The following MYO1E variants were observed in gnomAD, a reference collection of about 807,000 sequenced individuals.
The protein encoded by MYO1E is myosin IE.
A neutral mutation model predicts 151.1 loss-of-function variants in MYO1E; 68 were observed. The ratio of observed to expected loss-of-function variants is 0.45; its 90% CI spans 0.37 to 0.55. MYO1E has a LOEUF of 0.55. MYO1E is among the 20% of genes least tolerant of loss of function. The pLI is 0.00. For synonymous variants in MYO1E, 601 were observed against 501.7 expected, an observed-to-expected ratio of 1.20 and a Z score of -2.64; for missense variants, 1,363 against 1,389.3, an observed-to-expected ratio of 0.98 and a Z score of 0.30.
chr15:59,355,896 T>G (rs1460769714), intron 1 of MYO1E, among the ~76,000 whole-genome samples: 2 of 152,136 alleles, frequency 1.3e-5, no homozygotes, highest in Non-Finnish European at 2.9e-5. Context: ...TCGTTTATTT[T>G]TTTGTAGAGA....
chr15:59,213,527 G>A (rs2079894149), intron 12 of MYO1E, among the ~76,000 whole-genome samples: 2 of 151,802 alleles, frequency 1.3e-5, no homozygotes, highest in Non-Finnish European at 2.9e-5. Context: ...GTGCAGTGGT[G>A]TGATGATATA....
At chr15:59,268,720 A>AGTTTTTTTTTTTTTTTTTTTTTTT (rs2080271247) in intron 2 of MYO1E, among the ~76,000 whole-genome samples, 1 of 44,906 alleles carries the variant, frequency 2.2e-5, no homozygotes. Flanking sequence ...TGACTTTGGT[A>AGTTTTTTTTTTTTTTTTTTTTTTT]TTTTTTTTTT....
intron 4 of MYO1E, among the ~76,000 whole-genome samples, chr15:59,249,085 G>A (rs150030202): frequency 3.2e-4 from 48 of 152,272 alleles, no homozygotes; most frequent in African/African-American, 1.1e-3. Context: ...GGAGCCCTGT[G>A]CTTGAGAAAG....
At chr15:59,370,524 G>T (rs533789960) in intron 1 of MYO1E, among the ~76,000 whole-genome samples, 3 of 152,162 alleles carry the variant, frequency 2.0e-5, no homozygotes, top group Non-Finnish European at 2.9e-5. Context: ...ACAGATAGTC[G>T]CCTGGGGGCA....
chr15:59,303,453 C>T (rs1187500496), intron 1 of MYO1E, among the ~76,000 whole-genome samples: 2 of 151,892 alleles, frequency 1.3e-5, no homozygotes, highest in East Asian at 1.9e-4. Flanking sequence ...TGCTTGAACC[C>T]GAGGGGCAGA....
Position 59,197,394 on chromosome 15 carries a change from C to G in MYO1E, c.1699-1827G>C, listed in dbSNP as rs569338670. 7.9e-5 allele frequency among the ~76,000 whole-genome samples: 12 copies of G among 152,330 alleles called. No homozygotes were observed. In the East Asian group the frequency reaches 2.3e-3, roughly 29 times the overall value. ...CTCAGCATAAGAAAACATAGAGAGG[C>G]AAGTGTAACTTAAGTTTATAAGTCA... is the stretch of plus-strand genomic sequence containing the variant. On this transcript the variant is annotated intron_variant, in intron 16 of 27. Coordinates refer to ENST00000288235, the MANE Select transcript of MYO1E (RefSeq NM_004998.4).
chr15:59,369,813 G>A (rs1406402545), intron 1 of MYO1E, among the ~76,000 whole-genome samples: 1 of 152,106 alleles, frequency 6.6e-6, no homozygotes, highest in Non-Finnish European at 1.5e-5. Context: ...AGTCACAACT[G>A]AATGAGTCTT....
At chr15:59,209,000 T>C in intron 13 of MYO1E, 152 bp from the exon 14 acceptor site, 5 of 898,556 alleles carry the variant, frequency 5.6e-6, no homozygotes, top group Non-Finnish European at 7.0e-6. Context: ...ATGCAATTAA[T>C]AGTCCCAAAT....
chr15:59,251,822 T>G (rs2080166644), intron 4 of MYO1E, among the ~76,000 whole-genome samples: 1 of 152,240 alleles, frequency 6.6e-6, no homozygotes, highest in Non-Finnish European at 1.5e-5. Context: ...TGAACCCAAC[T>G]GTAGGTCAGG....
intron 27 of MYO1E, 142 bp downstream of exon 27, chr15:59,138,056 G>T: frequency 1.0e-6 from 1 of 986,404 alleles, no homozygotes; most frequent in Non-Finnish European, 1.6e-6. Context: ...GTCTTGATCA[G>T]ACTGAGCCTG....
At chr15:59,252,102 GAAAT>G (rs1221042946) in intron 4 of MYO1E, among the ~76,000 whole-genome samples, 3 of 152,000 alleles carry the variant, frequency 2.0e-5, no homozygotes, top group African/African-American at 4.8e-5. Flanking sequence ...TAAAATCAAA[GAAAT>G]AAAAACTCTG....
At position 59,201,384 on chromosome 15, in the gene MYO1E, A is replaced by G. The variant is rs116645018; in HGVS notation, c.1698+942T>C. Among the ~76,000 whole-genome samples, 1,186 of 148,928 alleles carry G rather than the reference A, an allele frequency of 8.0e-3. 20 individuals are homozygous for G. The highest frequency in any genetic ancestry group is 0.027 in the African/African-American group (1,094 of 40,396). ...GTTGGGATTACAGGCCAGAGCCACT[A>G]CATCTGGCTGACACAGATTTTTTTT... On this transcript the variant is annotated intron_variant, in intron 16 of 27. Coordinates refer to ENST00000288235, the MANE Select transcript of MYO1E (RefSeq NM_004998.4).
At chr15:59,351,618 G>A (rs940249843) in intron 1 of MYO1E, among the ~76,000 whole-genome samples, 1 of 152,164 alleles carries the variant, frequency 6.6e-6, no homozygotes, top group Non-Finnish European at 1.5e-5. Context: ...ATTACCGGGG[G>A]ATAAGAGTGA....
chr15:59,142,000 G>A (rs1265010063), intron 26 of MYO1E, among the ~76,000 whole-genome samples: 1 of 151,706 alleles, frequency 6.6e-6, no homozygotes, highest in Admixed American at 6.6e-5. Context: ...CCAGCTATTC[G>A]GGAGGCTGAG....
chr15:59,210,709 C>T, intron 12 of MYO1E, 109 bp from the exon 13 acceptor site: 1 of 756,168 alleles, frequency 1.3e-6, no homozygotes, highest in Non-Finnish European at 2.4e-6. Context: ...ACCTGAATGT[C>T]CTGCAACAAA....
intron 1 of MYO1E, among the ~76,000 whole-genome samples, chr15:59,296,996 CGCCCGGCTA>C: frequency 3.1e-5 from 1 of 31,896 alleles, no homozygotes; most frequent in Middle Eastern, 0.025. Flanking sequence ...CCCGCTACCA[CGCCCGGCTA>C]ATCGCCCGGC....
At chr15:59,315,242 G>A (rs1269423470) in intron 1 of MYO1E, among the ~76,000 whole-genome samples, 1 of 151,876 alleles carries the variant, frequency 6.6e-6, no homozygotes, top group Non-Finnish European at 1.5e-5. Context: ...TCCATTACAT[G>A]TGCCCCCAAA....
At chr15:59,226,430 A>G (rs1292019877) in intron 7 of MYO1E, among the ~76,000 whole-genome samples, 1 of 152,232 alleles carries the variant, frequency 6.6e-6, no homozygotes, top group African/African-American at 2.4e-5. Context: ...TCAATATAAA[A>G]TACTAATAAG....
Position 59,256,312 on chromosome 15 carries a change from CAAT to C in MYO1E, c.301_303del (p.Ile101del). The C allele has an allele frequency of 6.2e-7, 1 of 1,612,398 alleles. No homozygotes were observed. The highest frequency in any genetic ancestry group is 8.5e-7 in the Non-Finnish European group (1 of 1,178,732). On this transcript the variant is annotated inframe_deletion, in exon 4 of 28. Coordinates refer to ENST00000288235, the MANE Select transcript of MYO1E (RefSeq NM_004998.4). ...ATAATGACGCACTGGTTCTCTCTGT[CAAT>C]GATCATGTTTCTGTACATATTATCT...
Sources: allele counts gnomAD v4.1 joint callset (sites outside exome capture counted in the v4.1 genomes callset), GRCh38; gene constraint gnomAD v4.1.1; transcripts MANE v1.5; gene names NCBI Gene and HGNC (gene_info 2026-07-23, HGNC 2026-07-21).